The following ACOT7 variants were observed in gnomAD, a reference collection of about 807,000 sequenced individuals.
ACOT7 encodes the protein cytosolic acyl coenzyme A thioester hydrolase.
In ACOT7, 12 loss-of-function variants were observed where a neutral mutation model predicts 40.2. The observed-to-expected ratio is 0.30, with a 90% CI of 0.19 to 0.48. The LOEUF (loss-of-function observed/expected upper bound fraction) is 0.48. Ranked by LOEUF, ACOT7 falls within the 20% of genes least tolerant of loss-of-function variation. The probability of loss-of-function intolerance (pLI) is 0.99; values close to 1 mark genes in which losing one functional copy is unlikely to be tolerated. For missense variants in ACOT7, 395 were observed against 530.8 expected, an observed-to-expected ratio of 0.74 and a Z score of 2.51; for synonymous variants, 228 against 219.5, an observed-to-expected ratio of 1.04 and a Z score of -0.34.
chr1:6,292,676 G>GT (rs1021520049), intron 7 of ACOT7, among the ~76,000 whole-genome samples: 11 of 141,418 alleles, frequency 7.8e-5, no homozygotes, highest in African/African-American at 2.5e-4. Context: ...TTTTTTTTTT[G>GT]TTTTTTTGTG....
intron 8 of ACOT7, among the ~76,000 whole-genome samples, chr1:6,270,605 C>T (rs1639004158): frequency 1.3e-5 from 2 of 152,220 alleles, no homozygotes; most frequent in Admixed American, 1.3e-4. Context: ...GACTCTGAGT[C>T]CCACGGGCCC....
chr1:6,345,269 G>A (rs1016351404), intron 2 of ACOT7, among the ~76,000 whole-genome samples: 1 of 152,196 alleles, frequency 6.6e-6, no homozygotes, highest in Non-Finnish European at 1.5e-5. Flanking sequence ...GGTATCACAC[G>A]GCCCGTGAGG....
chr1:6,287,969 C>T (rs1195400118), intron 7 of ACOT7, among the ~76,000 whole-genome samples: 1 of 152,106 alleles, frequency 6.6e-6, no homozygotes, highest in East Asian at 1.9e-4. Context: ...AAGAAAACGT[C>T]AACTTTAGGT....
At chr1:6,390,341 G>A (rs938056990) in intron 1 of ACOT7, among the ~76,000 whole-genome samples, 1 of 152,134 alleles carries the variant, frequency 6.6e-6, no homozygotes, top group African/African-American at 2.4e-5. Flanking sequence ...GGAGGCCGAG[G>A]CGGGCAGATC....
At chr1:6,267,192 G>A (rs1309179166) in intron 8 of ACOT7, among the ~76,000 whole-genome samples, 1 of 152,252 alleles carries the variant, frequency 6.6e-6, no homozygotes, top group African/African-American at 2.4e-5. Flanking sequence ...ACAGGAGCCA[G>A]GTCCGGCCTG....
chr1:6,287,246 C>T (rs114386769), intron 7 of ACOT7, among the ~76,000 whole-genome samples: 1,700 of 152,350 alleles, frequency 0.011, 29 homozygotes, highest in African/African-American at 0.035. Flanking sequence ...GAGGCCCTGA[C>T]GGGGCGGATG....
At chr1:6,343,139 C>A (rs930368343) in intron 2 of ACOT7, among the ~76,000 whole-genome samples, 3 of 152,186 alleles carry the variant, frequency 2.0e-5, no homozygotes, top group Admixed American at 6.5e-5. Context: ...CTTCACAGCA[C>A]CCCGACAAGG....
At position 6,393,346 on chromosome 1, in the gene ACOT7, G is replaced by C. The variant is rs1642567516; in HGVS notation, c.54C>G (p.Ala18=). ...CGGATGCGGCGGGCGGCTGCAGAAG[G>C]GCGCAGGTGTCTGGCAGGCCCGGCG... The part of the protein sequence containing the change: ...HSAPGLPDTC[A]LLQPPAASAA... Residue 18 remains alanine, a synonymous_variant, in exon 1 of 9, where the codon GCC becomes GCG. Transcript: ENST00000361521. 3.2e-6 allele frequency: 4 copies of C among 1,252,202 alleles called. No homozygotes were observed. Among genetic ancestry groups the C allele is most frequent in the Non-Finnish European group, 3.0e-6 (3 of 997,876 alleles). The allele number at this position is 1,252,202 out of a possible 1,614,324, so 77.6% of individuals were successfully genotyped here.
intron 4 of ACOT7, among the ~76,000 whole-genome samples, chr1:6,328,607 G>A (rs1478620933): frequency 6.6e-6 from 1 of 152,134 alleles, no homozygotes; most frequent in Admixed American, 6.5e-5. Flanking sequence ...GCTTGAATCC[G>A]GGAGATGGAG....
intron 6 of ACOT7, among the ~76,000 whole-genome samples, chr1:6,315,620 G>A (rs1011304233): frequency 7.9e-5 from 12 of 151,704 alleles, no homozygotes; most frequent in South Asian, 6.3e-4. Context: ...GCGTGGTGGC[G>A]GGCACCTGTA....
chr1:6,280,945 G>A (rs778640994), intron 8 of ACOT7, among the ~76,000 whole-genome samples, 157 bp downstream of exon 8: 7 of 152,188 alleles, frequency 4.6e-5, no homozygotes, highest in Non-Finnish European at 8.8e-5. Flanking sequence ...CGCAGCCCGA[G>A]GTCACCGGTC....
chr1:6,321,956 C>T (rs1414769424), intron 5 of ACOT7, among the ~76,000 whole-genome samples: 1 of 152,254 alleles, frequency 6.6e-6, no homozygotes, highest in African/African-American at 2.4e-5. Context: ...GTACTAAATT[C>T]CCCTGAGGCC....
chr1:6,363,487 G>A (rs1213906782), intron 1 of ACOT7, among the ~76,000 whole-genome samples: 4 of 152,140 alleles, frequency 2.6e-5, no homozygotes, highest in African/African-American at 4.8e-5. Context: ...CAGTGGTCAC[G>A]CTCCTAGTCC....
intron 1 of ACOT7, among the ~76,000 whole-genome samples, chr1:6,368,797 G>C (rs999240810): frequency 6.6e-6 from 1 of 152,126 alleles, no homozygotes; most frequent in African/African-American, 2.4e-5. Context: ...CAGGGCACAG[G>C]GGACCCACTG....
At chr1:6,302,351 C>T (rs539407048) in intron 6 of ACOT7, among the ~76,000 whole-genome samples, 49 of 152,258 alleles carry the variant, frequency 3.2e-4, no homozygotes, top group African/African-American at 1.1e-3. Context: ...CTTTACGACT[C>T]AGGAGATAAC....
intron 2 of ACOT7, among the ~76,000 whole-genome samples, chr1:6,344,359 C>T (rs79855669): frequency 0.04 from 6,114 of 152,300 alleles, 271 homozygotes; most frequent in African/African-American, 0.11. Context: ...CATCCAGTAG[C>T]CTTCCCCACA....
intron 2 of ACOT7, among the ~76,000 whole-genome samples, chr1:6,348,319 C>G (rs1389326558): frequency 6.6e-6 from 1 of 151,448 alleles, no homozygotes; most frequent in African/African-American, 2.5e-5. Flanking sequence ...TATGCACACA[C>G]ACATGCATAC....
chr1:6,269,547 G>A (rs1395254289), intron 8 of ACOT7, among the ~76,000 whole-genome samples: 2 of 152,270 alleles, frequency 1.3e-5, no homozygotes, highest in African/African-American at 4.8e-5. Context: ...TACACAGCCT[G>A]AGGCGGGCAC....
rs960900240 is a variant in ACOT7, at chr1:6,288,135, T to TG, written c.829+6728dup. Among the ~76,000 whole-genome samples the TG allele has an allele frequency of 2.0e-5, 3 of 151,754 alleles. No homozygotes were observed. Among genetic ancestry groups the TG allele is most frequent in the Non-Finnish European group, 4.4e-5 (3 of 67,954 alleles). ...CCCATTAGGGGCTCCACTGCTTGCC[T>TG]GGGGGGCGGAGGCTCTCCCACTCTG... On this transcript the variant is annotated intron_variant, in intron 7 of 8. Transcript: ENST00000361521. This position sits in a 1 kb window ranked among gnomAD's most constrained non-coding sequence, Gnocchi z 4.3.
Sources: allele counts gnomAD v4.1 joint callset (sites outside exome capture counted in the v4.1 genomes callset), GRCh38; gene constraint gnomAD v4.1.1; non-coding constraint Gnocchi (gnomAD v3.1); transcripts MANE v1.5; gene names NCBI Gene and HGNC (gene_info 2026-07-23, HGNC 2026-07-21).